KSR2: variants seen among roughly 807,000 people sequenced by gnomAD.
KSR2 encodes kinase suppressor of ras 2.
Under a neutral mutation model 107.8 loss-of-function variants are expected in KSR2, and 25 were observed. That is an observed-to-expected ratio of 0.23 (90% CI 0.17 to 0.32). The LOEUF (loss-of-function observed/expected upper bound fraction) is 0.32, where lower values mean the gene tolerates loss of function less well. Ranked by LOEUF, KSR2 falls within the 10% of genes least tolerant of loss-of-function variation. The probability of loss-of-function intolerance (pLI) is 1.00; values close to 1 mark genes in which losing one functional copy is unlikely to be tolerated. For missense variants in KSR2, 887 were observed against 1,268.9 expected, an observed-to-expected ratio of 0.70 and a Z score of 4.57; for synonymous variants, 480 against 507.0, an observed-to-expected ratio of 0.95 and a Z score of 0.71.
At chr12:117,926,624 T>C (rs1895527746) in intron 1 of KSR2, among the ~76,000 whole-genome samples, 1 of 152,188 alleles carries the variant, frequency 6.6e-6, no homozygotes, top group Non-Finnish European at 1.5e-5. Context: ...TTTGCATGCA[T>C]CCACAGGAGA....
intron 4 of KSR2, among the ~76,000 whole-genome samples, chr12:117,758,427 A>G (rs762199668): frequency 2.6e-5 from 4 of 152,090 alleles, no homozygotes; most frequent in Non-Finnish European, 5.9e-5. Flanking sequence ...AAGTGGTCCC[A>G]CGGCATTTTC....
chr12:117,789,742 A>G (rs1490356730), intron 3 of KSR2, among the ~76,000 whole-genome samples: 2 of 152,132 alleles, frequency 1.3e-5, no homozygotes, highest in African/African-American at 4.8e-5. Flanking sequence ...AATTCCTCCT[A>G]TAAGCAATTC....
chr12:117,625,969 G>T (rs1327111334), intron 5 of KSR2, among the ~76,000 whole-genome samples: 3 of 152,286 alleles, frequency 2.0e-5, no homozygotes, highest in African/African-American at 7.2e-5. Flanking sequence ...ATTTCTTCTA[G>T]ATTTCCTAGT....
At chr12:117,873,979 G>A (rs942641014) in intron 1 of KSR2, among the ~76,000 whole-genome samples, 9 of 152,172 alleles carry the variant, frequency 5.9e-5, no homozygotes, top group South Asian at 2.1e-4. Context: ...AGTGAGCACT[G>A]GATGTTGTTT....
chr12:117,523,189 A>G (rs530489311), intron 14 of KSR2, among the ~76,000 whole-genome samples: 49 of 152,322 alleles, frequency 3.2e-4, no homozygotes, highest in African/African-American at 1.1e-3. Flanking sequence ...CCAATCACCA[A>G]GTTCTCATAA....
intron 3 of KSR2, among the ~76,000 whole-genome samples, chr12:117,816,679 C>T (rs1891381320): frequency 6.6e-6 from 1 of 152,194 alleles, no homozygotes; most frequent in Admixed American, 6.5e-5. Context: ...AGGGCATGGT[C>T]ATCCTTGGAT....
At position 117,582,280 on chromosome 12, in the gene KSR2, T is replaced by C; in HGVS notation, c.1241+10A>G. On this transcript the variant is annotated intron_variant, in intron 6 of 19. Coordinates refer to ENST00000339824, the MANE Select transcript of KSR2 (RefSeq NM_173598.6). ...AAGTAGGCACCAGTGCACACAGGAATCCAGCCTACCTGTGCTTGATGGAGT... is the reference window on the plus strand; with the variant it reads ...AAGTAGGCACCAGTGCACACAGGAACCCAGCCTACCTGTGCTTGATGGAGT... 1.2e-6 allele frequency: 2 copies of C among 1,612,296 alleles called. No individual in the cohort carries two copies. The highest frequency in any genetic ancestry group is 1.7e-6 in the Non-Finnish European group (2 of 1,178,424).
intron 1 of KSR2, among the ~76,000 whole-genome samples, chr12:117,967,190 CTTCT>C (rs140364155): frequency 0.11 from 17,349 of 152,080 alleles, 1,295 homozygotes; most frequent in African/African-American, 0.21. Flanking sequence ...TTTCTGCCAT[CTTCT>C]TTCTGAGTAA....
At chr12:117,618,511 T>G (rs117770114) in intron 5 of KSR2, among the ~76,000 whole-genome samples, 3,408 of 152,178 alleles carry the variant, frequency 0.022, 62 homozygotes, top group Non-Finnish European at 0.036. Context: ...CATGGCCTGA[T>G]ATGGTTTGGC....
chr12:117,753,661 G>A (rs982407491), intron 4 of KSR2, among the ~76,000 whole-genome samples: 54 of 152,196 alleles, frequency 3.5e-4, no homozygotes, highest in Non-Finnish European at 6.5e-4. Flanking sequence ...GGGGCCTTCC[G>A]GAGGGTAGAC....
intron 9 of KSR2, among the ~76,000 whole-genome samples, chr12:117,549,398 C>T (rs1296298689): frequency 1.3e-5 from 2 of 152,030 alleles, no homozygotes; most frequent in Non-Finnish European, 2.9e-5. Context: ...CAAGAAGTTT[C>T]CATAGATGCT....
At chr12:117,824,986 C>A (rs1412503647) in intron 3 of KSR2, among the ~76,000 whole-genome samples, 1 of 151,950 alleles carries the variant, frequency 6.6e-6, no homozygotes, top group Non-Finnish European at 1.5e-5. Flanking sequence ...CTGAGACCAG[C>A]CTGGCCAACA....
chr12:117,838,382 T>C (rs1391911016), intron 3 of KSR2, among the ~76,000 whole-genome samples: 1 of 152,206 alleles, frequency 6.6e-6, no homozygotes, highest in African/African-American at 2.4e-5. Flanking sequence ...TTAGCCAGAC[T>C]GGTCTCGAAC....
At chr12:117,710,431 C>T (rs1886719102) in intron 4 of KSR2, among the ~76,000 whole-genome samples, 1 of 152,176 alleles carries the variant, frequency 6.6e-6, no homozygotes, top group African/African-American at 2.4e-5. Context: ...AAGCTCTGTC[C>T]TGAGGTGGAT....
At chr12:117,495,772 C>T (rs781136250) in intron 14 of KSR2, among the ~76,000 whole-genome samples, 6 of 152,140 alleles carry the variant, frequency 3.9e-5, no homozygotes, top group East Asian at 1.9e-4. Context: ...AGGTCAGAGG[C>T]GGCCGGGCGC....
chr12:117,723,036 G>C (rs1383600944), intron 4 of KSR2, among the ~76,000 whole-genome samples: 1 of 152,138 alleles, frequency 6.6e-6, no homozygotes, highest in East Asian at 1.9e-4. Context: ...AGGACCAAAG[G>C]GGTGCCATTC....
At chr12:117,741,368 A>AAT (rs779416708) in intron 4 of KSR2, among the ~76,000 whole-genome samples, 384 of 149,868 alleles carry the variant, frequency 2.6e-3, no homozygotes, top group Non-Finnish European at 4.6e-3. Context: ...AAAAAAAAAA[A>AAT]TTTAATTAGC....
intron 4 of KSR2, among the ~76,000 whole-genome samples, chr12:117,744,813 A>G (rs565593288): frequency 6.6e-6 from 1 of 152,332 alleles, no homozygotes; most frequent in South Asian, 2.1e-4. Flanking sequence ...GGGTTCTATC[A>G]GATCCTTTCT....
At chr12:117,947,193 A>C (rs1305666552) in intron 1 of KSR2, among the ~76,000 whole-genome samples, 3 of 94,820 alleles carry the variant, frequency 3.2e-5, no homozygotes, top group Non-Finnish European at 6.6e-5. Flanking sequence ...AAAGAAAAGA[A>C]AGAAAAGAAA....
Sources: gnomAD v4.1 joint callset for allele counts (sites outside exome capture counted in the v4.1 genomes callset) on GRCh38, gnomAD v4.1.1 for gene constraint, MANE v1.5 for transcripts, NCBI Gene and HGNC (gene_info 2026-07-23, HGNC 2026-07-21) for gene names.